The following NXPE2 variants were observed in gnomAD, a reference collection of about 807,000 sequenced individuals.
The protein encoded by NXPE2 is NXPE family member 2.
In NXPE2, 34 loss-of-function variants were observed where a neutral mutation model predicts 34.4. That is an observed-to-expected ratio of 0.99 (90% confidence interval 0.75 to 1.31). The LOEUF is 1.31. NXPE2 is among the 40% of genes most tolerant of loss of function. NXPE2 has a pLI of 0.00. For synonymous variants in NXPE2, 235 were observed against 231.3 expected (o/e 1.02, Z -0.15); for missense variants, 649 against 672.5 (o/e 0.97, Z 0.39).
the NXPE2 span, among the ~76,000 whole-genome samples, chr11:114,566,570 T>G: frequency 6.6e-6 from 1 of 152,072 alleles, no homozygotes; most frequent in Non-Finnish European, 1.5e-5. Flanking sequence ...TAAACCCAAC[T>G]GGAATGTGTT....
chr11:114,582,103 G>A, the NXPE2 span, among the ~76,000 whole-genome samples: 1 of 152,096 alleles, frequency 6.6e-6, no homozygotes, highest in Non-Finnish European at 1.5e-5. Flanking sequence ...AGAATTAAAT[G>A]TTCAAAAAGT....
chr11:114,638,502 T>C, the NXPE2 span, among the ~76,000 whole-genome samples: 15 of 152,202 alleles, frequency 9.9e-5, no homozygotes, highest in South Asian at 3.1e-3. Flanking sequence ...GTTCCATTGC[T>C]GGTGAGGAAC....
the NXPE2 span, among the ~76,000 whole-genome samples, chr11:114,564,671 G>A: frequency 6.6e-6 from 1 of 152,044 alleles, no homozygotes; most frequent in South Asian, 2.1e-4. Flanking sequence ...GGACTTGAAG[G>A]GTGACTGAAA....
At chr11:114,489,467 T>C in the NXPE2 span, among the ~76,000 whole-genome samples, 13 of 152,192 alleles carry the variant, frequency 8.5e-5, no homozygotes, top group South Asian at 2.1e-4. Context: ...AATAAAATAC[T>C]GGCAAACGGA....
chr11:114,777,845 C>A, the NXPE2 span, among the ~76,000 whole-genome samples: 2 of 152,160 alleles, frequency 1.3e-5, no homozygotes, highest in African/African-American at 4.8e-5. Context: ...TGGTGCACCT[C>A]ATTGGCTTGC....
chr11:114,799,641 T>A, the NXPE2 span, among the ~76,000 whole-genome samples: 1 of 152,178 alleles, frequency 6.6e-6, no homozygotes, highest in Non-Finnish European at 1.5e-5. Context: ...TTACAATCAT[T>A]CTTCCAGGCC....
chr11:114,575,260 C>T, the NXPE2 span, among the ~76,000 whole-genome samples: 1 of 152,072 alleles, frequency 6.6e-6, no homozygotes, highest in East Asian at 1.9e-4. Flanking sequence ...AAGTTGAAAG[C>T]ATTCCCTCTG....
At chr11:114,488,678 A>T in the NXPE2 span, among the ~76,000 whole-genome samples, 1 of 152,224 alleles carries the variant, frequency 6.6e-6, no homozygotes, top group Middle Eastern at 3.2e-3. Flanking sequence ...AAGACACAAC[A>T]TACCAGAATC....
intron 2 of NXPE2, among the ~76,000 whole-genome samples, chr11:114,681,317 G>C (rs1246546340): frequency 1.3e-5 from 2 of 152,140 alleles, no homozygotes; most frequent in Non-Finnish European, 2.9e-5. Context: ...AGAAATACAG[G>C]ATATCATGTT....
chr11:114,795,280 T>C, the NXPE2 span, among the ~76,000 whole-genome samples: 4 of 152,162 alleles, frequency 2.6e-5, no homozygotes, highest in Admixed American at 6.5e-5. Context: ...GGAAAGACTC[T>C]AGGAATTTCA....
chr11:114,691,589 C>T (rs940684665), intron 2 of NXPE2, among the ~76,000 whole-genome samples: 8 of 152,126 alleles, frequency 5.3e-5, no homozygotes, highest in Non-Finnish European at 1.2e-4. Flanking sequence ...CTGTCTCTTT[C>T]AACCCATGCT....
chr11:114,472,597 G>T, the NXPE2 span, among the ~76,000 whole-genome samples: 1 of 152,222 alleles, frequency 6.6e-6, no homozygotes, highest in African/African-American at 2.4e-5. Context: ...AAACAACAGA[G>T]ATTTATTTCT....
At chr11:114,477,901 T>A in the NXPE2 span, among the ~76,000 whole-genome samples, 1 of 152,164 alleles carries the variant, frequency 6.6e-6, no homozygotes, top group Non-Finnish European at 1.5e-5. Flanking sequence ...AAGTTCTTGA[T>A]AAGTAAAGTA....
the NXPE2 span, among the ~76,000 whole-genome samples, chr11:114,719,981 G>A: frequency 3.3e-5 from 5 of 152,200 alleles, no homozygotes; most frequent in Non-Finnish European, 7.3e-5. Flanking sequence ...AGCTGAACAT[G>A]GACAGTGTTT....
the NXPE2 span, among the ~76,000 whole-genome samples, chr11:114,805,460 C>A: frequency 6.6e-6 from 1 of 152,178 alleles, no homozygotes; most frequent in Non-Finnish European, 1.5e-5. Context: ...GTGACAGACA[C>A]CACCTGGAAA....
chr11:114,800,969 A>T, the NXPE2 span, among the ~76,000 whole-genome samples: 1 of 152,234 alleles, frequency 6.6e-6, no homozygotes, highest in Admixed American at 6.5e-5. Flanking sequence ...ACTGATTAGT[A>T]TGTGAAATTA....
the NXPE2 span, among the ~76,000 whole-genome samples, chr11:114,721,148 G>A: frequency 6.6e-6 from 1 of 152,100 alleles, no homozygotes; most frequent in Non-Finnish European, 1.5e-5. Flanking sequence ...CCATCCTGGG[G>A]GTTGCGGGTT....
the NXPE2 span, among the ~76,000 whole-genome samples, chr11:114,629,671 G>A: frequency 6.6e-5 from 10 of 151,942 alleles, no homozygotes; most frequent in Non-Finnish European, 1.3e-4. Context: ...TTCTGGCCAG[G>A]GCAATTACAT....
At chr11:114,738,428 C>T in the NXPE2 span, among the ~76,000 whole-genome samples, 2 of 152,114 alleles carry the variant, frequency 1.3e-5, no homozygotes, top group East Asian at 1.9e-4. Context: ...TCTCCACTCT[C>T]TTTGGCTCCC....
Sources: allele counts gnomAD v4.1 joint callset (sites outside exome capture counted in the v4.1 genomes callset), GRCh38; gene constraint gnomAD v4.1.1; transcripts MANE v1.5; gene names NCBI Gene and HGNC (gene_info 2026-07-23, HGNC 2026-07-21).